Variants in CSMD1 observed in about 807,000 individuals in gnomAD.
CSMD1 encodes the protein CUB and Sushi multiple domains 1.
CSMD1 carries 213 observed loss-of-function variants against 417.5 expected under a neutral mutation model. The observed-to-expected ratio is 0.51, with a 90% CI of 0.46 to 0.57. The LOEUF (loss-of-function observed/expected upper bound fraction) is 0.57. Among genes scored for constraint, CSMD1 ranks in the 20% least tolerant of loss-of-function variants. The pLI, the probability that CSMD1 is intolerant of heterozygous loss-of-function variation, is 0.00. For synonymous variants in CSMD1, 2,862 were observed against 1,736.8 expected, an observed-to-expected ratio of 1.65 and a Z score of -16.11; for missense variants, 6,923 against 4,529.7, an observed-to-expected ratio of 1.53 and a Z score of -15.17.
At position 4,031,219 on chromosome 8, in the gene CSMD1, T is replaced by G. The variant is rs182214541; in HGVS notation, c.610+686A>C. On this transcript the variant is annotated intron_variant, in intron 4 of 69. Coordinates refer to ENST00000635120, the MANE Select transcript of CSMD1 (RefSeq NM_033225.6). Reference sequence around the variant, plus strand: ...TACCCCACTCCTGGTACCAATCTATTGTATTAGTTCATTTTCACACTGCTG... The same window carrying G: ...TACCCCACTCCTGGTACCAATCTATGGTATTAGTTCATTTTCACACTGCTG... Among the ~76,000 whole-genome samples the G allele has an allele frequency of 1.4e-3, 211 of 152,322 alleles. 1 individual carries two copies. The highest frequency in any genetic ancestry group is 6.8e-3 in the Middle Eastern group (2 of 294).
At chr8:4,461,741 A>ATTTT (rs35226423) in intron 2 of CSMD1, among the ~76,000 whole-genome samples, 1,293 of 124,502 alleles carry the variant, frequency 0.01, 33 homozygotes, top group Admixed American at 0.05. Flanking sequence ...TTATTTACTT[A>ATTTT]TTTTTTTTTT....
At chr8:3,182,635 T>C (rs1476078445) in intron 36 of CSMD1, among the ~76,000 whole-genome samples, 1 of 47,760 alleles carries the variant, frequency 2.1e-5, no homozygotes, top group African/African-American at 6.7e-5. Flanking sequence ...TGTGTGTGTA[T>C]TGTTAGTAGA....
At chr8:3,841,874 G>T (rs550725431) in intron 5 of CSMD1, among the ~76,000 whole-genome samples, 102 of 151,642 alleles carry the variant, frequency 6.7e-4, no homozygotes, top group African/African-American at 2.4e-3. Context: ...TGGCCCTTGG[G>T]TTGGCCACAC....
chr8:4,931,732 T>A (rs1046757605), intron 1 of CSMD1, among the ~76,000 whole-genome samples: 3 of 152,164 alleles, frequency 2.0e-5, no homozygotes, highest in African/African-American at 2.4e-5. Context: ...CCCAGTACCA[T>A]CTCCTCACAT....
At chr8:3,019,019 G>C (rs1213816409) in intron 51 of CSMD1, among the ~76,000 whole-genome samples, 1 of 152,172 alleles carries the variant, frequency 6.6e-6, no homozygotes, top group East Asian at 1.9e-4. Flanking sequence ...CCCGGTTCAA[G>C]TGATTCTCCT....
intron 41 of CSMD1, among the ~76,000 whole-genome samples, chr8:3,134,205 AAAAG>A (rs1184934925): frequency 6.6e-6 from 1 of 152,110 alleles, no homozygotes; most frequent in African/African-American, 2.4e-5. Flanking sequence ...AAAGAAAAAC[AAAAG>A]AAAGAAAAGA....
At chr8:4,541,232 A>G (rs1778987528) in intron 2 of CSMD1, among the ~76,000 whole-genome samples, 1 of 152,120 alleles carries the variant, frequency 6.6e-6, no homozygotes. Flanking sequence ...GCCAGTAACT[A>G]CTGTGTGACT....
chr8:3,597,814 C>T (rs546641833), intron 8 of CSMD1, among the ~76,000 whole-genome samples: 104 of 151,824 alleles, frequency 6.9e-4, no homozygotes, highest in Non-Finnish European at 1.3e-3. Context: ...GGGAGGGGAA[C>T]ATCACACACC....
chr8:3,416,633 G>A (rs993199572), intron 12 of CSMD1, among the ~76,000 whole-genome samples: 10 of 152,186 alleles, frequency 6.6e-5, no homozygotes, highest in African/African-American at 1.2e-4. Context: ...ATGGAAACAC[G>A]TCCAGGGAGT....
intron 25 of CSMD1, among the ~76,000 whole-genome samples, chr8:3,285,564 A>C (rs1304097444): frequency 6.6e-6 from 1 of 151,682 alleles, no homozygotes; most frequent in Non-Finnish European, 1.5e-5. Flanking sequence ...TATTAGTATT[A>C]TTATTTGTAT....
chr8:4,526,601 C>G (rs1796525456), intron 2 of CSMD1, among the ~76,000 whole-genome samples: 2 of 152,214 alleles, frequency 1.3e-5, no homozygotes, highest in Non-Finnish European at 2.9e-5. Context: ...CTGATCATGT[C>G]TCTTTCACCA....
At chr8:4,911,010 A>C (rs984696174) in intron 1 of CSMD1, among the ~76,000 whole-genome samples, 1 of 151,130 alleles carries the variant, frequency 6.6e-6, no homozygotes, top group Admixed American at 6.6e-5. Flanking sequence ...CCCTACAAAA[A>C]CTCTCTCTTT....
chr8:3,354,268 T>C (rs1808596677), intron 21 of CSMD1, among the ~76,000 whole-genome samples: 1 of 152,190 alleles, frequency 6.6e-6, no homozygotes, highest in African/African-American at 2.4e-5. Flanking sequence ...ATGCCTCACA[T>C]TTAACAGAGA....
chr8:4,515,200 TA>T (rs1803050204), intron 2 of CSMD1, among the ~76,000 whole-genome samples: 2 of 152,184 alleles, frequency 1.3e-5, no homozygotes, highest in Admixed American at 1.3e-4. Context: ...ATTAAGTAGT[TA>T]AAAAATATTT....
intron 3 of CSMD1, among the ~76,000 whole-genome samples, chr8:4,128,763 C>G (rs148429932): frequency 4.9e-4 from 75 of 152,164 alleles, no homozygotes; most frequent in African/African-American, 1.8e-3. Flanking sequence ...AGCCTCACAC[C>G]CACACACCAT....
chr8:3,890,357 C>T (rs998227809), intron 5 of CSMD1, among the ~76,000 whole-genome samples: 2 of 152,030 alleles, frequency 1.3e-5, no homozygotes, highest in Non-Finnish European at 2.9e-5. Context: ...GCAGGGTTTA[C>T]TACTTGGTAG....
intron 5 of CSMD1, among the ~76,000 whole-genome samples, chr8:3,862,952 G>A (rs1397865455): frequency 6.6e-6 from 1 of 152,104 alleles, no homozygotes; most frequent in Admixed American, 6.6e-5. Flanking sequence ...GAAATTTATA[G>A]TTCACAATTC....
rs775271645 is a variant in CSMD1 at position 4,067,853 on chromosome 8, C to T, written c.416-35754G>A. Among the ~76,000 whole-genome samples, 8 of 151,984 alleles carry T rather than the reference C, an allele frequency of 5.3e-5. No homozygotes were observed. The South Asian group carries it at 8.3e-4, about 16-fold the overall frequency. Reference sequence around the variant, plus strand: ...CAACACTTTGGGAGGCCGAGGTGGGCGGATCATGAGGTCAAGAGATGGAGA... The same window carrying T: ...CAACACTTTGGGAGGCCGAGGTGGGTGGATCATGAGGTCAAGAGATGGAGA... On this transcript the variant is annotated intron_variant, in intron 3 of 69. Transcript: ENST00000635120.
intron 3 of CSMD1, among the ~76,000 whole-genome samples, chr8:4,122,997 C>G (rs1006158960): frequency 1.3e-5 from 2 of 152,216 alleles, no homozygotes; most frequent in African/African-American, 4.8e-5. Context: ...AGACGTGCCA[C>G]TGAGCTTCCA....
Sources: allele counts gnomAD v4.1 joint callset (sites outside exome capture counted in the v4.1 genomes callset), GRCh38; gene constraint gnomAD v4.1.1; transcripts MANE v1.5; gene names NCBI Gene and HGNC (gene_info 2026-07-23, HGNC 2026-07-21).